Variants in EFCAB5 observed in about 807,000 individuals in gnomAD.
EFCAB5 encodes the protein EF-hand calcium-binding domain-containing protein 5.
A neutral mutation model predicts 167.9 loss-of-function variants in EFCAB5; 131 were observed. The ratio of observed to expected loss-of-function variants is 0.78; its 90% CI spans 0.68 to 0.90. The LOEUF (loss-of-function observed/expected upper bound fraction) is 0.90, where lower values mean the gene tolerates loss of function less well. EFCAB5 is among the 40% of genes least tolerant of loss of function. EFCAB5 has a pLI of 0.00. For synonymous variants in EFCAB5, 574 were observed against 602.8 expected (o/e 0.95, Z 0.70); for missense variants, 1,663 against 1,745.2 (o/e 0.95, Z 0.84).
intron 3 of EFCAB5, among the ~76,000 whole-genome samples, chr17:29,953,311 C>T (rs2067550035): frequency 2.0e-5 from 3 of 152,154 alleles, no homozygotes; most frequent in Admixed American, 6.5e-5. Context: ...AAATAAAATA[C>T]AGCTAACCAA....
intron 7 of EFCAB5, among the ~76,000 whole-genome samples, chr17:30,021,527 T>C (rs1272270873): frequency 4.0e-5 from 6 of 149,962 alleles, no homozygotes; most frequent in Non-Finnish European, 4.4e-5. Flanking sequence ...TTATTTTATA[T>C]ATATAAACAA....
intron 1 of EFCAB5, among the ~76,000 whole-genome samples, chr17:29,934,688 G>A (rs969525880): frequency 6.6e-6 from 1 of 152,134 alleles, no homozygotes; most frequent in Non-Finnish European, 1.5e-5. Context: ...ATTGTCTTGT[G>A]AAAGTGATGA....
At position 30,078,135 on chromosome 17, in the gene EFCAB5, T is replaced by C; in HGVS notation, c.2738-80T>C. On this transcript the variant is annotated intron_variant, in intron 14 of 22. Transcript: ENST00000394835. ...AGCAGTTGCCCAGGGCTTCAGTTCA[T>C]CGTAAGAGGAGAATGAAAATCCCCC... is the stretch of plus-strand genomic sequence containing the variant. 3 of 1,449,308 alleles carry C rather than the reference T, an allele frequency of 2.1e-6. No individual in the cohort carries two copies. In the South Asian group the frequency reaches 4.3e-5, roughly 21 times the overall value. The allele number at this position is 1,449,308 out of a possible 1,614,324, so 89.8% of individuals were successfully genotyped here.
chr17:30,069,119 A>G, intron 14 of EFCAB5: 1 of 1,519,696 alleles, frequency 6.6e-7, no homozygotes, highest in Non-Finnish European at 9.1e-7. Flanking sequence ...GTGGATAAGA[A>G]AAGAATATCT....
intron 3 of EFCAB5, among the ~76,000 whole-genome samples, chr17:29,948,403 A>G (rs2067446438): frequency 6.6e-6 from 1 of 152,182 alleles, no homozygotes; most frequent in Non-Finnish European, 1.5e-5. Context: ...ATCCCAGTAT[A>G]TGATATGTAC....
intron 3 of EFCAB5, among the ~76,000 whole-genome samples, chr17:29,955,134 G>T (rs62070293): frequency 0.067 from 10,149 of 152,184 alleles, 470 homozygotes; most frequent in Middle Eastern, 0.11. Flanking sequence ...TTTGGACTGT[G>T]GACTTTTGAG....
intron 8 of EFCAB5, among the ~76,000 whole-genome samples, chr17:30,047,588 G>A (rs1226240191): frequency 4.6e-5 from 7 of 152,062 alleles, no homozygotes; most frequent in Admixed American, 2.6e-4. Context: ...ATATTTTAAC[G>A]GATCCAGTTT....
At chr17:30,096,678 T>TATATATATATA (rs1491331465) in intron 22 of EFCAB5, among the ~76,000 whole-genome samples, 3 of 40,768 alleles carry the variant, frequency 7.4e-5, no homozygotes, top group Admixed American at 2.9e-4. Context: ...TATATATATA[T>TATATATATATA]TTTTTTTTTT....
At chr17:29,969,584 A>G (rs1256080029) in intron 4 of EFCAB5, among the ~76,000 whole-genome samples, 1 of 152,208 alleles carries the variant, frequency 6.6e-6, no homozygotes, top group Non-Finnish European at 1.5e-5. Flanking sequence ...TAATTATCTC[A>G]CTATGACTGC....
At chr17:30,050,989 G>A in intron 8 of EFCAB5, 129 bp from the exon 9 acceptor site, 1 of 707,432 alleles carries the variant, frequency 1.4e-6, no homozygotes, top group Non-Finnish European at 2.4e-6. Flanking sequence ...TGATGCTGCA[G>A]CTTTTATTTA....
chr17:30,052,044 TG>T (rs1360686899), intron 9 of EFCAB5, among the ~76,000 whole-genome samples: 1 of 152,122 alleles, frequency 6.6e-6, no homozygotes, highest in Non-Finnish European at 1.5e-5. Flanking sequence ...TTCAAACTCC[TG>T]GGCTCCAGCA....
chr17:29,974,719 G>A (rs966754542), intron 4 of EFCAB5, among the ~76,000 whole-genome samples: 1 of 152,124 alleles, frequency 6.6e-6, no homozygotes, highest in African/African-American at 2.4e-5. Context: ...AAAGCGTTTT[G>A]CCAGGTAAAT....
Position 30,091,750 on chromosome 17 carries a change from T to C in EFCAB5, c.3938-121T>C, listed in dbSNP as rs115324313. On this transcript the variant is annotated intron_variant, in intron 20 of 22. Transcript: ENST00000394835. The stretch of plus-strand genomic sequence containing the variant: ...TGAGATTGTTTAAAACCAAAGGCTA[T>C]GGTCTGCTTTTTCTTGACAAAAACA... 4,923 of 1,106,676 alleles carry C rather than the reference T, an allele frequency of 4.4e-3. 102 individuals are homozygous for C. The African/African-American group carries it at 0.055, about 12-fold the overall frequency. The allele number at this position is 1,106,676 out of a possible 1,614,324, so 68.6% of individuals were successfully genotyped here.
rs541480025 is a variant in EFCAB5 at position 29,995,171 on chromosome 17, C to G, written c.925-1141C>G. Among the ~76,000 whole-genome samples, 3 of 152,270 alleles carry G rather than the reference C, an allele frequency of 2.0e-5. No homozygotes were observed. The East Asian group carries it at 5.8e-4, about 29-fold the overall frequency. The stretch of plus-strand genomic sequence containing the variant: ...GGGACTACAGGTGTGTGCCACTGTG[C>G]CCAGCTTGCCCTTGTTTGATGAGAA... On this transcript the variant is annotated intron_variant, in intron 5 of 22. Transcript: ENST00000394835.
At chr17:29,947,471 G>A (rs1188077160) in intron 3 of EFCAB5, among the ~76,000 whole-genome samples, 1 of 152,150 alleles carries the variant, frequency 6.6e-6, no homozygotes, top group African/African-American at 2.4e-5. Flanking sequence ...TGGGTACAAT[G>A]TATACTACTC....
At chr17:30,054,678 G>C (rs2070202774) in intron 10 of EFCAB5, among the ~76,000 whole-genome samples, 1 of 152,148 alleles carries the variant, frequency 6.6e-6, no homozygotes, top group Non-Finnish European at 1.5e-5. Flanking sequence ...GCTTTCCACA[G>C]TTTCAGTTAA....
chr17:30,091,491 A>G (rs1277386404), intron 20 of EFCAB5, among the ~76,000 whole-genome samples: 1 of 152,212 alleles, frequency 6.6e-6, no homozygotes, highest in African/African-American at 2.4e-5. Flanking sequence ...GCACTTTTAC[A>G]TATATCATCT....
chr17:29,971,236 A>G (rs1416966736), intron 4 of EFCAB5, among the ~76,000 whole-genome samples: 2 of 152,140 alleles, frequency 1.3e-5, no homozygotes, highest in Non-Finnish European at 2.9e-5. Flanking sequence ...TAATTTCTAT[A>G]TATTTTTGTA....
chr17:29,937,879 A>G (rs1294690048), upstream of EFCAB5, among the ~76,000 whole-genome samples: 1 of 152,214 alleles, frequency 6.6e-6, no homozygotes, highest in African/African-American at 2.4e-5. Flanking sequence ...ACATCAGTTT[A>G]GAATCAGTGT....
Sources: gnomAD v4.1 joint callset for allele counts (sites outside exome capture counted in the v4.1 genomes callset) on GRCh38, gnomAD v4.1.1 for gene constraint, MANE v1.5 for transcripts, NCBI Gene and HGNC (gene_info 2026-07-23, HGNC 2026-07-21) for gene names.